PKM: variants seen among roughly 807,000 people sequenced by gnomAD.
The protein encoded by PKM is pyruvate kinase PKM.
A neutral mutation model predicts 49.8 loss-of-function variants in PKM; 18 were observed. That is an observed-to-expected ratio of 0.36 (90% CI 0.25 to 0.54). The LOEUF (loss-of-function observed/expected upper bound fraction) is 0.54. Among genes scored for constraint, PKM ranks in the 20% least tolerant of loss-of-function variants. PKM has a pLI of 0.89. For missense variants in PKM, 508 were observed against 713.8 expected, an observed-to-expected ratio of 0.71 and a Z score of 3.28; for synonymous variants, 239 against 261.8, an observed-to-expected ratio of 0.91 and a Z score of 0.84.
intron 8 of PKM, chr15:72,203,065 TATA>T (rs1253733340): frequency 6.2e-7 from 1 of 1,614,184 alleles, no homozygotes; most frequent in South Asian, 1.1e-5. Context: ...GCTAAACACT[TATA>T]AGAAGCCTCC....
At chr15:72,227,872 C>T (rs1188053331) in intron 1 of PKM, among the ~76,000 whole-genome samples, 2 of 149,450 alleles carry the variant, frequency 1.3e-5, no homozygotes, top group Non-Finnish European at 3.0e-5. Flanking sequence ...GCCGTTTCCT[C>T]ATTTCTTCCA....
chr15:72,208,717 T>C lies in PKM; in HGVS notation c.740A>G (p.Lys247Arg), dbSNP rs2082151569. Residue 247 changes from lysine (K) to arginine (R), a missense_variant, in exon 6 of 11, where the codon AAG (lysine) becomes AGG (arginine). Coordinates refer to ENST00000335181, the MANE Select transcript of PKM (RefSeq NM_002654.6). ...VDMVFASFIR[K>R]ASDVHEVRKV... ...CCTAACTTCATGGACATCAGATGCC[T>C]TGCGGATGAATGACGCAAACACCAT... The C allele has an allele frequency of 6.2e-7, 1 of 1,614,142 alleles. No homozygotes were observed. The highest frequency in any genetic ancestry group is 8.5e-7 in the Non-Finnish European group (1 of 1,180,008).
chr15:72,225,527 C>A (rs1395815421), intron 1 of PKM, among the ~76,000 whole-genome samples: 1 of 152,154 alleles, frequency 6.6e-6, no homozygotes, highest in Non-Finnish European at 1.5e-5. Flanking sequence ...ACTCTATATC[C>A]TTCCAGTTCA....
Position 72,210,370 on chromosome 15 carries a change from T to C in PKM, c.355A>G (p.Ile119Val). The change falls in exon 4 of 11, where the codon ATC (isoleucine) becomes GTC (valine). Residue 119 changes from isoleucine (I) to valine (V), a missense_variant. Coordinates refer to ENST00000335181, the MANE Select transcript of PKM (RefSeq NM_002654.6). ...ACGCCCTTGATGAGCCCAGTTCGGATCTCAGGTCCTTTAGTGTCTAGAGCC... is the reference window on the plus strand; with the variant it reads ...ACGCCCTTGATGAGCCCAGTTCGGACCTCAGGTCCTTTAGTGTCTAGAGCC... ...AVALDTKGPE[I>V]RTGLIKGSGT... 1 of 1,614,150 alleles carries C rather than the reference T, an allele frequency of 6.2e-7. No individual in the cohort carries two copies. The highest frequency in any genetic ancestry group is 8.5e-7 in the Non-Finnish European group (1 of 1,180,024).
In PKM at chr15:72,209,855, C is replaced by T. The variant is rs1186427079; in HGVS notation, c.383G>A (p.Gly128Asp). ...CTTCTTCAGCTCCACCTCTGCAGTG[C>T]CGCTCTAGGGACAAGAGAGTAAGCA... is the stretch of plus-strand genomic sequence containing the variant. The part of the protein sequence containing the change: ...EIRTGLIKGS[G>D]TAEVELKKGA... Residue 128 changes from glycine to aspartate, a missense_variant, in exon 5 of 11, where the codon GGC becomes GAC. Transcript: ENST00000335181. 1.9e-6 allele frequency: 3 copies of T among 1,613,750 alleles called. No homozygotes were observed. Among genetic ancestry groups the T allele is most frequent in the South Asian group, 1.1e-5 (1 of 91,080 alleles).
intron 3 of PKM, among the ~76,000 whole-genome samples, chr15:72,213,172 A>G (rs1011599517): frequency 6.6e-6 from 1 of 152,182 alleles, no homozygotes; most frequent in Admixed American, 6.5e-5. Context: ...GGATCAAGAC[A>G]TTCCTTTCAA....
At chr15:72,221,342 A>G in intron 1 of PKM, 1 of 986,996 alleles carries the variant, frequency 1.0e-6, no homozygotes, top group Non-Finnish European at 1.5e-6. Context: ...GGTAATGGAA[A>G]AATTACCTTA....
At chr15:72,224,187 G>A (rs1468660585) in intron 1 of PKM, among the ~76,000 whole-genome samples, 3 of 152,186 alleles carry the variant, frequency 2.0e-5, no homozygotes, top group Admixed American at 6.5e-5. Flanking sequence ...TGAAGGAGGT[G>A]GTTTGGGGGA....
intron 1 of PKM, among the ~76,000 whole-genome samples, chr15:72,225,362 A>G (rs1378610131): frequency 6.6e-6 from 1 of 151,542 alleles, no homozygotes; most frequent in African/African-American, 2.4e-5. Flanking sequence ...ATTTATTTAA[A>G]TAGAGATGGG....
At position 72,202,822 on chromosome 15, in the gene PKM, A is replaced by C. The variant is rs1220655824; in HGVS notation, c.1141-202T>G. 3.1e-5 allele frequency: 22 copies of C among 707,966 alleles called. No individual in the cohort carries two copies. The highest frequency in any genetic ancestry group is 1.3e-4 in the South Asian group (8 of 60,440). The allele number at this position is 707,966 out of a possible 1,614,324, so 43.9% of individuals were successfully genotyped here. ...ACTCCACAGAAACCAGTCCTTCACC[A>C]AGTGCCTGTGACATCTACTGTGCCT... On this transcript the variant is annotated intron_variant, in intron 8 of 10. Coordinates refer to ENST00000335181, the MANE Select transcript of PKM (RefSeq NM_002654.6). This position sits in a 1 kb window ranked among gnomAD's most constrained non-coding sequence, Gnocchi z 4.5.
chr15:72,202,406 G>A lies in PKM; in HGVS notation c.1307+48C>T. ...GGACTGCTCCCAGGACCCCCAAGGT[G>A]AGGTACCACTGAGCAGGGCATTCCA... On this transcript the variant is annotated intron_variant, in intron 9 of 10. Transcript: ENST00000335181. The surrounding 1 kb of genome is among the most constrained non-coding windows in gnomAD (Gnocchi z 4.5). 6.3e-7 allele frequency: 1 copy of A among 1,578,648 alleles called. No homozygotes were observed. Among genetic ancestry groups the A allele is most frequent in the South Asian group, 1.1e-5 (1 of 88,352 alleles).
intron 1 of PKM, chr15:72,230,816 G>A (rs1295816397): frequency 3.3e-6 from 2 of 611,484 alleles, no homozygotes; most frequent in Non-Finnish European, 5.1e-6. Context: ...GGATGGAGGC[G>A]CATTGAGGAT....
At chr15:72,230,089 C>T (rs554333395) in intron 1 of PKM, among the ~76,000 whole-genome samples, 1 of 152,248 alleles carries the variant, frequency 6.6e-6, no homozygotes, top group South Asian at 2.1e-4. Context: ...CCGCTACGTG[C>T]AGCCCGGCCG....
intron 1 of PKM, among the ~76,000 whole-genome samples, chr15:72,228,038 T>C (rs539176060): frequency 3.9e-5 from 6 of 152,196 alleles, no homozygotes; most frequent in Non-Finnish European, 7.4e-5. Flanking sequence ...TCACTGGGGG[T>C]ACGGTTCTTA....
Position 72,229,354 on chromosome 15 carries a change from GTGTAGAGGCTGAACTCC to G in PKM, c.-14+1745_-14+1761del, listed in dbSNP as rs2082777396. Among the ~76,000 whole-genome samples, 5 of 152,300 alleles carry G rather than the reference GTGTAGAGGCTGAACTCC, an allele frequency of 3.3e-5. No homozygotes were observed. The South Asian group carries it at 1.0e-3, about 32-fold the overall frequency. On this transcript the variant is annotated intron_variant, in intron 1 of 10. Coordinates refer to ENST00000335181, the MANE Select transcript of PKM (RefSeq NM_002654.6). ...CCCAGTTTTCCCAGGGGAAACTGAGGTGTAGAGGCTGAACTCCTTCAGAGTCTCAGGAAATTAATGAG... is the reference window on the plus strand; with the variant it reads ...CCCAGTTTTCCCAGGGGAAACTGAGGTTCAGAGTCTCAGGAAATTAATGAG...
In PKM at chr15:72,207,161, T is replaced by C. The variant is rs149836418; in HGVS notation, c.953A>G (p.Asn318Ser). ...LAQKMMIGRC[N>S]RAGKPVICAT... ...ACAGATGACAGGCTTCCCAGCTCGGTTGCACCGTCCAATCATCATCTTCTG... is the reference window on the plus strand; with the variant it reads ...ACAGATGACAGGCTTCCCAGCTCGGCTGCACCGTCCAATCATCATCTTCTG... Residue 318 changes from asparagine to serine, a missense_variant, in exon 7 of 11, where the codon AAC (asparagine) becomes AGC (serine). Physicochemically the swap from Asn to Ser is conservative, Grantham distance 46 (BLOSUM62 1). Transcript: ENST00000335181. 5 of 1,614,004 alleles carry C rather than the reference T, an allele frequency of 3.1e-6. No individual in the cohort carries two copies. Among genetic ancestry groups the C allele is most frequent in the African/African-American group, 1.3e-5 (1 of 75,030 alleles).
rs751183099 is a variant in PKM, at chr15:72,206,785, C to G, written c.1083G>C (p.Leu361=). Residue 361 remains leucine (L), a synonymous_variant, in exon 8 of 11, where the codon CTG becomes CTC. Coordinates refer to ENST00000335181, the MANE Select transcript of PKM (RefSeq NM_002654.6). ...AVLDGADCIM[L]SGETAKGDYP... ...AGTCCCCTTTGGCTGTTTCTCCAGACAGCATGATGCAGTCGGCTCCATCCA... is the reference window on the plus strand; with the variant it reads ...AGTCCCCTTTGGCTGTTTCTCCAGAGAGCATGATGCAGTCGGCTCCATCCA... 1 of 1,614,158 alleles carries G rather than the reference C, an allele frequency of 6.2e-7. No individual in the cohort carries two copies. Among genetic ancestry groups the G allele is most frequent in the Middle Eastern group, 1.7e-4 (1 of 6,022 alleles).
At chr15:72,218,868 T>G in intron 2 of PKM, 76 bp downstream of exon 2, 1 of 1,473,906 alleles carries the variant, frequency 6.8e-7, no homozygotes, top group Non-Finnish European at 9.4e-7. Context: ...TGTTAGGACA[T>G]TTAGTTACTC....
chr15:72,212,801 G>C (rs1165617099), intron 3 of PKM, among the ~76,000 whole-genome samples: 1 of 152,192 alleles, frequency 6.6e-6, no homozygotes, highest in Non-Finnish European at 1.5e-5. Flanking sequence ...GCCAGGCGCA[G>C]TGGCTCACGC....
Sources: allele counts gnomAD v4.1 joint callset (sites outside exome capture counted in the v4.1 genomes callset), GRCh38; gene constraint gnomAD v4.1.1; non-coding constraint Gnocchi (gnomAD v3.1); transcripts MANE v1.5; gene names NCBI Gene and HGNC (gene_info 2026-07-23, HGNC 2026-07-21).